PPFIA2: variants seen among roughly 807,000 people sequenced by gnomAD.
PPFIA2 encodes liprin-alpha-2.
In PPFIA2, 46 loss-of-function variants were observed where a neutral mutation model predicts 175.5. That is an observed-to-expected ratio of 0.26 (90% CI 0.21 to 0.34). PPFIA2 has a LOEUF of 0.34. Among genes scored for constraint, PPFIA2 ranks in the 10% least tolerant of loss-of-function variants. The pLI is 1.00. For synonymous variants in PPFIA2, 568 were observed against 511.4 expected (o/e 1.11, Z -1.49); for missense variants, 1,179 against 1,506.1 (o/e 0.78, Z 3.60).
chr12:81,611,717 G>A (rs1003520721), intron 4 of PPFIA2, among the ~76,000 whole-genome samples: 12 of 152,124 alleles, frequency 7.9e-5, no homozygotes, highest in South Asian at 4.1e-4. Context: ...CTCTGGGGGA[G>A]TGGGGAGGCG....
intron 4 of PPFIA2, among the ~76,000 whole-genome samples, chr12:81,529,402 C>T (rs2064173868): frequency 1.3e-5 from 2 of 151,766 alleles, no homozygotes; most frequent in South Asian, 4.2e-4. Flanking sequence ...TATTTTTCTG[C>T]TATTTTCAAT....
intron 5 of PPFIA2, among the ~76,000 whole-genome samples, chr12:81,456,993 TTTTTA>T (rs2053676788): frequency 6.6e-6 from 1 of 151,742 alleles, no homozygotes; most frequent in South Asian, 2.1e-4. Flanking sequence ...TTTTGTTTCC[TTTTTA>T]TTTTATTTAT....
intron 28 of PPFIA2, 139 bp downstream of exon 28, chr12:81,277,177 GA>G (rs1025984624): frequency 3.1e-5 from 20 of 644,896 alleles, no homozygotes; most frequent in Non-Finnish European, 4.1e-5. Context: ...GAAAAGAATG[GA>G]AAAAAAACAG....
At chr12:81,470,450 G>A (rs1380376146) in intron 4 of PPFIA2, among the ~76,000 whole-genome samples, 1 of 152,174 alleles carries the variant, frequency 6.6e-6, no homozygotes, top group Non-Finnish European at 1.5e-5. Context: ...ATGCAGAGGA[G>A]CCTCATACAC....
intron 27 of PPFIA2, among the ~76,000 whole-genome samples, chr12:81,278,806 A>G (rs1593674450): frequency 1.3e-5 from 2 of 152,330 alleles, no homozygotes; most frequent in East Asian, 3.9e-4. Context: ...AGTAAAGATC[A>G]TTGATTATCA....
chr12:81,664,163 G>A (rs2069589212), intron 4 of PPFIA2, among the ~76,000 whole-genome samples: 1 of 152,104 alleles, frequency 6.6e-6, no homozygotes, highest in African/African-American at 2.4e-5. Flanking sequence ...CAAAAGCAAT[G>A]GCAAAAGAAG....
intron 4 of PPFIA2, among the ~76,000 whole-genome samples, chr12:81,579,424 A>T (rs1037867353): frequency 1.3e-5 from 2 of 151,854 alleles, no homozygotes; most frequent in African/African-American, 4.8e-5. Flanking sequence ...CAGATAAATC[A>T]TTATTTAGGA....
chr12:81,492,597 G>A (rs989397067), intron 4 of PPFIA2, among the ~76,000 whole-genome samples: 9 of 152,000 alleles, frequency 5.9e-5, no homozygotes, highest in African/African-American at 1.9e-4. Context: ...AGACATGTGA[G>A]TAGATAAGGG....
At chr12:81,616,119 G>A (rs902356147) in intron 4 of PPFIA2, among the ~76,000 whole-genome samples, 18 of 152,052 alleles carry the variant, frequency 1.2e-4, no homozygotes, top group African/African-American at 4.3e-4. Flanking sequence ...TTGGGGGAGA[G>A]AATTTTGGAT....
chr12:81,631,015 C>T (rs1269495419), intron 4 of PPFIA2, among the ~76,000 whole-genome samples: 1 of 151,732 alleles, frequency 6.6e-6, no homozygotes, highest in Admixed American at 6.6e-5. Flanking sequence ...CTCCCACAGC[C>T]TCCCAAGTAG....
At chr12:81,494,334 C>A (rs1214765099) in intron 4 of PPFIA2, among the ~76,000 whole-genome samples, 1 of 152,008 alleles carries the variant, frequency 6.6e-6, no homozygotes, top group Non-Finnish European at 1.5e-5. Flanking sequence ...TCAAAAAACA[C>A]ATGAAAAAAT....
At chr12:81,339,543 T>G (rs949878931) in intron 20 of PPFIA2, among the ~76,000 whole-genome samples, 16 of 152,048 alleles carry the variant, frequency 1.1e-4, no homozygotes, top group Admixed American at 9.2e-4. Flanking sequence ...GATAAATTCA[T>G]TTTTGCTCCG....
intron 4 of PPFIA2, among the ~76,000 whole-genome samples, chr12:81,618,862 C>T (rs1245586663): frequency 6.6e-6 from 1 of 152,084 alleles, no homozygotes; most frequent in Non-Finnish European, 1.5e-5. Context: ...ATTAATTCAA[C>T]AATTATTTGT....
intron 4 of PPFIA2, among the ~76,000 whole-genome samples, chr12:81,474,470 T>G (rs1267040858): frequency 6.6e-6 from 1 of 152,120 alleles, no homozygotes; most frequent in Non-Finnish European, 1.5e-5. Flanking sequence ...TTTTGTATTT[T>G]TAGTAGAGAT....
intron 5 of PPFIA2, among the ~76,000 whole-genome samples, chr12:81,449,794 C>A (rs987578245): frequency 7.0e-6 from 1 of 141,860 alleles, no homozygotes; most frequent in Non-Finnish European, 1.5e-5. Flanking sequence ...CCCCCTCCCC[C>A]CGACCCCATG....
chr12:81,658,837 T>C (rs2068253255), intron 4 of PPFIA2, among the ~76,000 whole-genome samples: 1 of 151,978 alleles, frequency 6.6e-6, no homozygotes, highest in South Asian at 2.1e-4. Flanking sequence ...ATACAAACAT[T>C]TGCAATTTCT....
chr12:81,599,534 C>T (rs1325199678), intron 4 of PPFIA2, among the ~76,000 whole-genome samples: 1 of 151,910 alleles, frequency 6.6e-6, no homozygotes, highest in Non-Finnish European at 1.5e-5. Context: ...TATAGAAAAT[C>T]TGCAAAGAAA....
intron 4 of PPFIA2, chr12:81,545,369 G>C (rs181314964): frequency 1.3e-5 from 2 of 151,928 alleles, no homozygotes; most frequent in Non-Finnish European, 2.9e-5. Flanking sequence ...TGTTGTTCTC[G>C]GGTCAGAGTT....
At chr12:81,568,354 G>A (rs2071769009) in intron 4 of PPFIA2, among the ~76,000 whole-genome samples, 1 of 152,150 alleles carries the variant, frequency 6.6e-6, no homozygotes, top group Admixed American at 6.5e-5. Flanking sequence ...GTCTGATGGT[G>A]GGTCTCCTTT....
Sources: gnomAD v4.1 joint callset for allele counts (sites outside exome capture counted in the v4.1 genomes callset) on GRCh38, gnomAD v4.1.1 for gene constraint, MANE v1.5 for transcripts, NCBI Gene and HGNC (gene_info 2026-07-23, HGNC 2026-07-21) for gene names.